The following LMO1 variants were observed in gnomAD, a reference collection of about 807,000 sequenced individuals.
The protein encoded by LMO1 is rhombotin-1.
LMO1 carries 10 observed loss-of-function variants against 18.0 expected under a neutral mutation model. The observed-to-expected ratio is 0.55, with a 90% CI of 0.34 to 0.94. The LOEUF is 0.94. Among genes scored for constraint, LMO1 ranks in the 40% least tolerant of loss-of-function variants. The pLI is 0.02. For synonymous variants in LMO1, 77 were observed against 77.9 expected (o/e 0.99, Z 0.06); for missense variants, 183 against 205.7 (o/e 0.89, Z 0.68).
chr11:8,234,369 C>T (rs934090246), intron 1 of LMO1, among the ~76,000 whole-genome samples: 7 of 151,970 alleles, frequency 4.6e-5, no homozygotes, highest in Admixed American at 1.3e-4. Context: ...GGAGAAATGC[C>T]CTCATCTTCA....
intron 1 of LMO1, among the ~76,000 whole-genome samples, chr11:8,243,221 G>T (rs2134553701): frequency 6.6e-6 from 1 of 151,672 alleles, no homozygotes; most frequent in Non-Finnish European, 1.5e-5. Context: ...GCCCTTCTTT[G>T]CAGACCTGGA....
rs1442058140 is a variant in LMO1 at position 8,231,212 on chromosome 11, C to T, written c.26-708G>A. Among the ~76,000 whole-genome samples, 9 of 152,228 alleles carry T rather than the reference C, an allele frequency of 5.9e-5. No individual in the cohort carries two copies. The East Asian group carries it at 1.7e-3, about 29-fold the overall frequency. ...AGCCTCTGGATCCTTCCTCATTCTA[C>T]CAGGATTAGGATCTCTCAGCCATCA... On this transcript the variant is annotated intron_variant, in intron 1 of 3. Coordinates refer to ENST00000335790, the MANE Select transcript of LMO1 (RefSeq NM_002315.3).
intron 1 of LMO1, among the ~76,000 whole-genome samples, chr11:8,232,107 G>C (rs1209653064): frequency 6.6e-6 from 1 of 152,264 alleles, no homozygotes; most frequent in African/African-American, 2.4e-5. Context: ...TCCTGGACAG[G>C]TGAGTCTGGG....
intron 1 of LMO1, among the ~76,000 whole-genome samples, chr11:8,231,035 G>A (rs777900575): frequency 2.0e-5 from 3 of 152,162 alleles, no homozygotes; most frequent in South Asian, 2.1e-4. Flanking sequence ...GAAGTGAGAC[G>A]CCCCTGGGAC....
chr11:8,256,259 A>C (rs1847096164), intron 1 of LMO1, among the ~76,000 whole-genome samples: 1 of 152,216 alleles, frequency 6.6e-6, no homozygotes, highest in African/African-American at 2.4e-5. Flanking sequence ...ACAAGCATGA[A>C]ACTTTCTGGT....
At chr11:8,260,801 G>A (rs1001539868) in intron 1 of LMO1, among the ~76,000 whole-genome samples, 14 of 152,138 alleles carry the variant, frequency 9.2e-5, no homozygotes, top group African/African-American at 3.4e-4. Flanking sequence ...AAAAGGCGTT[G>A]GGGGTGGTTA....
At chr11:8,256,669 G>A (rs935294065) in intron 1 of LMO1, among the ~76,000 whole-genome samples, 3 of 148,146 alleles carry the variant, frequency 2.0e-5, no homozygotes, top group Non-Finnish European at 4.5e-5. Context: ...TTGTTGCTAG[G>A]TTTGGTGGAT....
chr11:8,224,773 G>T (rs1952503883), intron 3 of LMO1, 52 bp from the exon 4 acceptor site: 10 of 1,214,380 alleles, frequency 8.2e-6, no homozygotes, highest in Non-Finnish European at 1.2e-5. Context: ...CAGTGGGTAA[G>T]GGGGGGGCTG....
At chr11:8,259,309 C>T (rs1373226973) in intron 1 of LMO1, among the ~76,000 whole-genome samples, 4 of 152,052 alleles carry the variant, frequency 2.6e-5, no homozygotes, top group South Asian at 2.1e-4. Context: ...ACCCAAGGCT[C>T]GGGTGTGTGT....
intron 1 of LMO1, among the ~76,000 whole-genome samples, chr11:8,248,828 C>T (rs1172087754): frequency 6.6e-6 from 1 of 152,166 alleles, no homozygotes; most frequent in Non-Finnish European, 1.5e-5. Context: ...CCTCCCAGTC[C>T]TACTGTCCTC....
At chr11:8,255,506 A>G (rs1477646708) in intron 1 of LMO1, among the ~76,000 whole-genome samples, 6 of 152,200 alleles carry the variant, frequency 3.9e-5, no homozygotes, top group Non-Finnish European at 7.3e-5. Flanking sequence ...GTCTCAAAAA[A>G]GAGAAGGCTT....
At chr11:8,259,391 C>A (rs204937) in intron 1 of LMO1, among the ~76,000 whole-genome samples, 46 of 152,114 alleles carry the variant, frequency 3.0e-4, no homozygotes, top group Admixed American at 7.8e-4. Flanking sequence ...GAAGGGGAAG[C>A]GGCTGTATGT....
upstream of LMO1, among the ~76,000 whole-genome samples, chr11:8,266,206 G>A (rs192493007): frequency 4.5e-4 from 68 of 152,308 alleles, no homozygotes; most frequent in African/African-American, 1.6e-3. Flanking sequence ...ATCTGGAGAG[G>A]AACCTTCACA....
chr11:8,256,306 G>A (rs1847097025), intron 1 of LMO1, among the ~76,000 whole-genome samples: 1 of 152,224 alleles, frequency 6.6e-6, no homozygotes, highest in Non-Finnish European at 1.5e-5. Context: ...GTGCCAGTTA[G>A]GTGTTTCACC....
At chr11:8,255,165 G>C (rs1847069139) in intron 1 of LMO1, among the ~76,000 whole-genome samples, 1 of 152,164 alleles carries the variant, frequency 6.6e-6, no homozygotes, top group Non-Finnish European at 1.5e-5. Flanking sequence ...GAATGCAGCA[G>C]AAGCGACAAG....
Position 8,230,406 on chromosome 11 carries a change from T to C in LMO1, c.124A>G (p.Lys42Glu). 6.2e-7 allele frequency: 1 copy of C among 1,614,048 alleles called. No individual in the cohort carries two copies. Among genetic ancestry groups the C allele is most frequent in the African/African-American group, 1.3e-5 (1 of 75,052 alleles). ...TTGAGGCAGTCTTCGTGCCAGTACT[T>C]GTCCAATGCCTTCAGCAGATAGCGG... ...KDRYLLKALD[K>E]YWHEDCLKCA... is the part of the protein sequence containing the mutation. Residue 42 changes from lysine (K) to glutamate (E), a missense_variant, in exon 2 of 4, where the codon AAG (lysine) becomes GAG (glutamate). Lys to Glu is a moderately conservative substitution (Grantham distance 56, BLOSUM62 1). Transcript: ENST00000335790.
At chr11:8,238,089 T>C (rs1401764003) in intron 1 of LMO1, among the ~76,000 whole-genome samples, 1 of 152,210 alleles carries the variant, frequency 6.6e-6, no homozygotes, top group Non-Finnish European at 1.5e-5. Context: ...AGAGCTTATG[T>C]CCATCAAAAC....
intron 3 of LMO1, among the ~76,000 whole-genome samples, chr11:8,225,315 G>A (rs1952515280): frequency 6.8e-6 from 1 of 147,790 alleles, no homozygotes; most frequent in Non-Finnish European, 1.5e-5. Flanking sequence ...CTGAGGCAGA[G>A]GATTGCTTGA....
In LMO1 at chr11:8,230,297, T is replaced by C. The variant is rs1341709520; in HGVS notation, c.233A>G (p.Tyr78Cys). Residue 78 changes from tyrosine (Y) to cysteine (C), a missense_variant, in exon 2 of 4, where the codon TAC (tyrosine) becomes TGC (cysteine). Physicochemically the swap from Tyr to Cys is radical, Grantham distance 194 (BLOSUM62 -2). Transcript: ENST00000335790. ...KANLILCRRD[Y>C]LRLFGTTGNC... ...CCAGGGTTTGGCAGCCCACCTCAGG[T>C]AGTCGCGTCGGCACAGGATGAGGTT... is the stretch of plus-strand genomic sequence containing the variant. 1.9e-6 allele frequency: 3 copies of C among 1,613,354 alleles called. No homozygotes were observed.
Sources: allele counts gnomAD v4.1 joint callset (sites outside exome capture counted in the v4.1 genomes callset), GRCh38; gene constraint gnomAD v4.1.1; transcripts MANE v1.5; gene names NCBI Gene and HGNC (gene_info 2026-07-23, HGNC 2026-07-21).